SGCZ: variants seen among roughly 807,000 people sequenced by gnomAD.
SGCZ encodes sarcoglycan zeta.
A neutral mutation model predicts 41.3 loss-of-function variants in SGCZ; 40 were observed. The ratio of observed to expected loss-of-function variants is 0.97; its 90% CI spans 0.75 to 1.26. SGCZ has a LOEUF of 1.26. SGCZ is among the 50% of genes most tolerant of loss of function. SGCZ has a pLI of 0.00. For synonymous variants in SGCZ, 206 were observed against 137.5 expected, an observed-to-expected ratio of 1.50 and a Z score of -3.49; for missense variants, 552 against 369.8, an observed-to-expected ratio of 1.49 and a Z score of -4.04.
At chr8:15,022,560 T>C (rs1044047021) in intron 1 of SGCZ, among the ~76,000 whole-genome samples, 4 of 152,122 alleles carry the variant, frequency 2.6e-5, no homozygotes, top group Non-Finnish European at 4.4e-5. Flanking sequence ...GCCAGGATGG[T>C]CTCGATCTCT....
At chr8:14,828,157 GA>G (rs1802401815) in intron 1 of SGCZ, among the ~76,000 whole-genome samples, 1 of 152,136 alleles carries the variant, frequency 6.6e-6, no homozygotes, top group Non-Finnish European at 1.5e-5. Flanking sequence ...GAAGAATGGT[GA>G]AAGCACGGAA....
intron 1 of SGCZ, among the ~76,000 whole-genome samples, chr8:14,963,932 T>G (rs1344580422): frequency 6.6e-6 from 1 of 152,098 alleles, no homozygotes; most frequent in East Asian, 1.9e-4. Flanking sequence ...CAGAAAAAAT[T>G]TTTTCTAAGT....
intron 3 of SGCZ, among the ~76,000 whole-genome samples, chr8:14,261,725 C>T (rs1049891294): frequency 3.9e-5 from 6 of 152,110 alleles, no homozygotes; most frequent in Non-Finnish European, 7.4e-5. Flanking sequence ...CATTCTCACG[C>T]TGAAGATTCA....
chr8:15,195,584 G>C (rs1800696732), intron 1 of SGCZ, among the ~76,000 whole-genome samples: 1 of 152,102 alleles, frequency 6.6e-6, no homozygotes, highest in Admixed American at 6.5e-5. Context: ...ACCCTTTGGT[G>C]ACAAGAGTCC....
intron 1 of SGCZ, among the ~76,000 whole-genome samples, chr8:14,970,461 T>C (rs1008923807): frequency 2.6e-5 from 4 of 152,176 alleles, no homozygotes; most frequent in African/African-American, 7.2e-5. Context: ...TTAGACTTCA[T>C]ATTTAGGTCT....
At chr8:15,210,410 C>G (rs1469818295) in intron 1 of SGCZ, among the ~76,000 whole-genome samples, 1 of 152,140 alleles carries the variant, frequency 6.6e-6, no homozygotes, top group Admixed American at 6.6e-5. Flanking sequence ...TTCCGTAATA[C>G]TGTTCCTTCT....
At chr8:14,411,838 T>C (rs1799368900) in intron 2 of SGCZ, among the ~76,000 whole-genome samples, 1 of 152,020 alleles carries the variant, frequency 6.6e-6, no homozygotes, top group Admixed American at 6.6e-5. Flanking sequence ...TCCAGTACAG[T>C]AAAAAACACT....
At chr8:14,124,959 A>AG (rs1049811766) in intron 5 of SGCZ, among the ~76,000 whole-genome samples, 2 of 152,176 alleles carry the variant, frequency 1.3e-5, no homozygotes, top group African/African-American at 4.8e-5. Flanking sequence ...AGGATACAAA[A>AG]TCTATGTGCA....
intron 1 of SGCZ, among the ~76,000 whole-genome samples, chr8:14,940,922 A>G (rs573086661): frequency 6.6e-6 from 1 of 152,272 alleles, no homozygotes; most frequent in Non-Finnish European, 1.5e-5. Flanking sequence ...CGAAAATGGC[A>G]TTCTAGTAGG....
chr8:14,102,550 C>G (rs745483211), intron 6 of SGCZ, 51 bp from the exon 7 acceptor site: 8 of 1,296,484 alleles, frequency 6.2e-6, no homozygotes, highest in Admixed American at 3.5e-5. Context: ...ACAAAAAAAT[C>G]ATTAATAGAA....
chr8:14,256,375 G>A (rs184040072), intron 3 of SGCZ, among the ~76,000 whole-genome samples: 2 of 152,188 alleles, frequency 1.3e-5, no homozygotes, highest in African/African-American at 4.8e-5. Context: ...CAGTCAGGGG[G>A]TGAAAAATGG....
chr8:14,548,805 G>A (rs1008677988), intron 2 of SGCZ, among the ~76,000 whole-genome samples: 33 of 152,082 alleles, frequency 2.2e-4, no homozygotes, highest in African/African-American at 8.0e-4. Flanking sequence ...CTGCATATGA[G>A]ACCAAATTGG....
At chr8:14,414,301 T>G (rs1419495298) in intron 2 of SGCZ, among the ~76,000 whole-genome samples, 1 of 151,984 alleles carries the variant, frequency 6.6e-6, no homozygotes, top group Non-Finnish European at 1.5e-5. Context: ...AGACGTTACT[T>G]AATTTAGATA....
intron 4 of SGCZ, among the ~76,000 whole-genome samples, chr8:14,226,190 A>G (rs576947190): frequency 2.0e-5 from 3 of 152,196 alleles, no homozygotes; most frequent in African/African-American, 7.2e-5. Flanking sequence ...CAGAATGTTA[A>G]GTTATATATA....
At chr8:14,494,026 T>A (rs1052729038) in intron 2 of SGCZ, among the ~76,000 whole-genome samples, 1 of 152,156 alleles carries the variant, frequency 6.6e-6, no homozygotes, top group African/African-American at 2.4e-5. Context: ...AACCAAGCAA[T>A]AATGTACTAC....
intron 1 of SGCZ, among the ~76,000 whole-genome samples, chr8:14,571,415 T>G (rs749363439): frequency 3.9e-5 from 6 of 152,214 alleles, no homozygotes; most frequent in Non-Finnish European, 8.8e-5. Context: ...TAGCAACACC[T>G]GTCCACGGAG....
intron 5 of SGCZ, among the ~76,000 whole-genome samples, chr8:14,120,976 C>T (rs532070372): frequency 2.1e-4 from 32 of 152,132 alleles, no homozygotes; most frequent in Admixed American, 1.6e-3. Flanking sequence ...GCAATCTGAA[C>T]CTCCTCCACA....
chr8:14,898,420 C>T (rs1333333388), intron 1 of SGCZ, among the ~76,000 whole-genome samples: 1 of 152,148 alleles, frequency 6.6e-6, no homozygotes, highest in African/African-American at 2.4e-5. Flanking sequence ...TGTAAGGCGG[C>T]CTGCTGCAGA....
intron 2 of SGCZ, among the ~76,000 whole-genome samples, chr8:14,496,106 C>T (rs1801980028): frequency 6.8e-6 from 1 of 146,042 alleles, no homozygotes; most frequent in Non-Finnish European, 1.5e-5. Flanking sequence ...CATTCTGTCA[C>T]CCAGGCTATA....
Sources: gnomAD v4.1 joint callset for allele counts (sites outside exome capture counted in the v4.1 genomes callset) on GRCh38, gnomAD v4.1.1 for gene constraint, MANE v1.5 for transcripts, NCBI Gene and HGNC (gene_info 2026-07-23, HGNC 2026-07-21) for gene names.